Variants in KRT79 observed in about 807,000 individuals in gnomAD.
KRT79 encodes the protein keratin 79.
KRT79 carries 51 observed loss-of-function variants against 49.0 expected under a neutral mutation model. The observed-to-expected ratio is 1.04, with a 90% CI of 0.83 to 1.31. The LOEUF is 1.31. KRT79 is among the 40% of genes most tolerant of loss of function. The pLI, the probability that KRT79 is intolerant of heterozygous loss-of-function variation, is 0.00. For missense variants in KRT79, 728 were observed against 688.0 expected, an observed-to-expected ratio of 1.06 and a Z score of -0.65; for synonymous variants, 312 against 286.6, an observed-to-expected ratio of 1.09 and a Z score of -0.90.
intron 7 of KRT79, 104 bp downstream of exon 7, chr12:52,822,912 C>A: frequency 8.6e-7 from 1 of 1,164,246 alleles, no homozygotes; most frequent in South Asian, 1.5e-5. Context: ...GGATCTTGCT[C>A]CCTGGTTCCT....
chr12:52,827,730 A>G (rs1156648995), intron 4 of KRT79, among the ~76,000 whole-genome samples: 2 of 152,218 alleles, frequency 1.3e-5, no homozygotes, highest in East Asian at 3.8e-4. Context: ...GCTGATCCCT[A>G]CAGAAGATCC....
Position 52,830,285 on chromosome 12 carries a change from C to T in KRT79, c.706G>A (p.Asp236Asn), listed in dbSNP as rs1313292459. Residue 236 changes from aspartate to asparagine, a missense_variant, in exon 3 of 9, where the codon GAT (aspartate) becomes AAT (asparagine). Asp to Asn is a conservative substitution (Grantham distance 23). Coordinates refer to ENST00000330553, the MANE Select transcript of KRT79 (RefSeq NM_175834.3). ...LVEDFKNKYE[D>N]EINKHTAAEN... ...GCAGCAGTGTGCTTGTTGATTTCAT[C>T]CTCGTACCTGTTACACATGGGAGAC... 6.2e-7 allele frequency: 1 copy of T among 1,614,212 alleles called. No individual in the cohort carries two copies.
intron 2 of KRT79, among the ~76,000 whole-genome samples, chr12:52,830,739 G>T (rs553559775): frequency 1.1e-4 from 16 of 152,164 alleles, no homozygotes; most frequent in Non-Finnish European, 1.9e-4. Flanking sequence ...TTAAATGTGC[G>T]TGTTTAAAAG....
chr12:52,826,594 A>G (rs1182889063), intron 4 of KRT79, among the ~76,000 whole-genome samples: 1 of 151,540 alleles, frequency 6.6e-6, no homozygotes, highest in Non-Finnish European at 1.5e-5. Flanking sequence ...GTGAATCGCT[A>G]AGGTGTGTGT....
intron 4 of KRT79, among the ~76,000 whole-genome samples, chr12:52,827,647 G>C (rs1235867148): frequency 3.3e-5 from 5 of 152,100 alleles, no homozygotes; most frequent in Non-Finnish European, 2.9e-5. Flanking sequence ...GGATAAGCCC[G>C]GGAAACACCA....
Position 52,834,241 on chromosome 12 carries a change from C to G in KRT79, c.20G>C (p.Arg7Pro), listed in dbSNP as rs201481116. Residue 7 changes from arginine to proline, a missense_variant, in exon 1 of 9, where the codon CGG (arginine) becomes CCG (proline). Transcript: ENST00000330553. MRSSVS[R>P]QTYSTKGGFS... ...GCCCCCTTTTGTGGAGTATGTTTGCCGAGAGACGGAGGACCTCATAGCTGC... is the reference window on the plus strand; with the variant it reads ...GCCCCCTTTTGTGGAGTATGTTTGCGGAGAGACGGAGGACCTCATAGCTGC... 6.8e-6 allele frequency: 11 copies of G among 1,613,204 alleles called. No homozygotes were observed. The Admixed American group carries it at 1.7e-4, about 24-fold the overall frequency.
chr12:52,823,203 C>T lies in KRT79; in HGVS notation c.1180G>A (p.Glu394Lys), dbSNP rs746191383. 8 of 1,614,226 alleles carry T rather than the reference C, an allele frequency of 5.0e-6. No homozygotes were observed. In the South Asian group the frequency reaches 8.8e-5, roughly 18 times the overall value. ...QQLQTAIAEA[E>K]QRGELALKDA... ...TTGAGTGCCAGCTCCCCACGCTGCT[C>T]CGCTTCCGCAATGGCCGTCTGCAGC... is the stretch of plus-strand genomic sequence containing the variant. Residue 394 changes from glutamate to lysine, a missense_variant, in exon 7 of 9, where the codon GAG (glutamate) becomes AAG (lysine). Glu to Lys is a moderately conservative substitution (Grantham distance 56, BLOSUM62 1). Coordinates refer to ENST00000330553, the MANE Select transcript of KRT79 (RefSeq NM_175834.3).
At chr12:52,830,355 A>T (rs2638501) in intron 2 of KRT79, 63 bp from the exon 3 acceptor site, 1 of 1,461,706 alleles carries the variant, frequency 6.8e-7, no homozygotes, top group African/African-American at 1.4e-5. Context: ...CATGGGACCC[A>T]CTCAGCCTTA....
In KRT79 at chr12:52,822,110, G is replaced by A. The variant is rs75079079; in HGVS notation, c.1403-33C>T. On this transcript the variant is annotated intron_variant, in intron 8 of 8. Transcript: ENST00000330553. ...GCAAAGGGTCTGGATTAGTCAGGGC[G>A]GCCATGCCAGAGAGGGCTGGGGGAG... is the stretch of plus-strand genomic sequence containing the variant. 8.9e-4 allele frequency: 1,436 copies of A among 1,607,204 alleles called. 35 individuals carry two copies. In the East Asian group the frequency reaches 0.031, roughly 35 times the overall value.
chr12:52,831,706 C>T, intron 1 of KRT79, 80 bp from the exon 2 acceptor site: 1 of 1,152,480 alleles, frequency 8.7e-7, no homozygotes, highest in Non-Finnish European at 1.3e-6. Flanking sequence ...TTGCCACCTC[C>T]CCTCCAAGGC....
At position 52,834,123 on chromosome 12, in the gene KRT79, G is replaced by A. The variant is rs773201448; in HGVS notation, c.138C>T (p.Gly46=). 16 of 1,613,054 alleles carry A rather than the reference G, an allele frequency of 9.9e-6. No homozygotes were observed. Among genetic ancestry groups the A allele is most frequent in the East Asian group, 4.5e-5 (2 of 44,842 alleles). The change falls in exon 1 of 9, where the codon GGC becomes GGT. Residue 46 remains glycine, a synonymous_variant. Coordinates refer to ENST00000330553, the MANE Select transcript of KRT79 (RefSeq NM_175834.3). ...VTVSRSSGSG[G]GAHCGPGTGG... ...CTGTGCCGGGGCCACAGTGGGCCCCGCCACCACTGCCACTGCTCCGAGACA... is the reference window on the plus strand; with the variant it reads ...CTGTGCCGGGGCCACAGTGGGCCCCACCACCACTGCCACTGCTCCGAGACA...
intron 4 of KRT79, among the ~76,000 whole-genome samples, chr12:52,825,591 C>G (rs1940165067): frequency 6.6e-6 from 1 of 152,210 alleles, no homozygotes; most frequent in East Asian, 1.9e-4. Context: ...TAGGCAGGAA[C>G]AAAGAGAGAC....
In KRT79 at chr12:52,824,019, A is replaced by G. The variant is rs1296994658; in HGVS notation, c.1021-7T>C. ...TCACCTGCAGCTCCTCATACTGGGGACCAAAGAAGTGGCAGTGCGCTTTCA... is the reference window on the plus strand; with the variant it reads ...TCACCTGCAGCTCCTCATACTGGGGGCCAAAGAAGTGGCAGTGCGCTTTCA... On this transcript the variant is annotated splice_region_variant and splice_polypyrimidine_tract_variant and intron_variant, in intron 5 of 8. Transcript: ENST00000330553. 1 of 1,613,860 alleles carries G rather than the reference A, an allele frequency of 6.2e-7. No individual in the cohort carries two copies. The highest frequency in any genetic ancestry group is 1.3e-5 in the African/African-American group (1 of 74,882).
In KRT79 at chr12:52,824,218, C is replaced by A. The variant is rs746569773; in HGVS notation, c.1000G>T (p.Glu334Ter). The change falls in exon 5 of 9, where the codon GAG becomes TAG. Residue 334 changes from glutamate (E) to a stop codon, truncating the protein, a stop_gained. Transcript: ENST00000330553. LOFTEE classifies it high-confidence loss of function. ...LIAQRSRAEAEAWYQTKYEEL... is the reference protein window; with the variant it reads ...LIAQRSRAEA ...CTCACCTTGGTCTGGTACCAGGCCT[C>A]GGCCTCAGCCCGGCTCCTCTGGGCA... The A allele has an allele frequency of 1.7e-5, 27 of 1,614,118 alleles. No homozygotes were observed. The highest frequency in any genetic ancestry group is 2.2e-5 in the Non-Finnish European group (26 of 1,180,062).
At chr12:52,828,926 T>A (rs544403929) in intron 4 of KRT79, among the ~76,000 whole-genome samples, 10 of 152,274 alleles carry the variant, frequency 6.6e-5, no homozygotes, top group African/African-American at 2.4e-4. Flanking sequence ...GTGAAAGGCA[T>A]AAGTCACAAG....
In KRT79 at chr12:52,834,150, C is replaced by G; in HGVS notation, c.111G>C (p.Thr37=). 1 of 1,613,574 alleles carries G rather than the reference C, an allele frequency of 6.2e-7. No individual in the cohort carries two copies. Among genetic ancestry groups the G allele is most frequent in the Non-Finnish European group, 8.5e-7 (1 of 1,179,882 alleles). ...SQARTSFSSV[T]VSRSSGSGGG... ...CACCACTGCCACTGCTCCGAGACAC[C>G]GTCACTGAGCTGAAGCTGGTGCGGG... Residue 37 remains threonine, a synonymous_variant, in exon 1 of 9, where the codon ACG becomes ACC. Coordinates refer to ENST00000330553, the MANE Select transcript of KRT79 (RefSeq NM_175834.3).
intron 4 of KRT79, among the ~76,000 whole-genome samples, chr12:52,827,958 T>C (rs1940199684): frequency 6.6e-6 from 1 of 152,166 alleles, no homozygotes; most frequent in Admixed American, 6.5e-5. Flanking sequence ...AGGAACGCCC[T>C]GGTCATCCTT....
intron 2 of KRT79, 39 bp from the exon 3 acceptor site, chr12:52,830,331 CT>C: frequency 6.2e-7 from 1 of 1,600,540 alleles, no homozygotes; most frequent in Non-Finnish European, 8.6e-7. Flanking sequence ...CTCAGCCTGG[CT>C]CTGCCTTTCA....
Position 52,834,113 on chromosome 12 carries a change from A to T in KRT79, c.148T>A (p.Cys50Ser), listed in dbSNP as rs932749377. The change falls in exon 1 of 9, where the codon TGT (cysteine) becomes AGT (serine). Residue 50 changes from cysteine to serine, a missense_variant. By Grantham distance (112) the Cys-to-Ser change is moderately radical. Transcript: ENST00000330553. ...RSSGSGGGAH[C>S]GPGTGGFGSR... ...CCAAAGCCACCTGTGCCGGGGCCAC[A>T]GTGGGCCCCGCCACCACTGCCACTG... The T allele has an allele frequency of 2.5e-6, 4 of 1,613,032 alleles. No individual in the cohort carries two copies. In the African/African-American group the frequency reaches 5.3e-5, roughly 22 times the overall value.
Sources: allele counts gnomAD v4.1 joint callset (sites outside exome capture counted in the v4.1 genomes callset), GRCh38; gene constraint gnomAD v4.1.1; transcripts MANE v1.5; gene names NCBI Gene and HGNC (gene_info 2026-07-23, HGNC 2026-07-21).